LIMD1: variants seen among roughly 807,000 people sequenced by gnomAD.
LIMD1 encodes the protein LIM domain-containing protein 1.
In LIMD1, 23 loss-of-function variants were observed where a neutral mutation model predicts 58.4. The ratio of observed to expected loss-of-function variants is 0.39; its 90% CI spans 0.28 to 0.56. LIMD1 has a LOEUF of 0.56. Ranked by LOEUF, LIMD1 falls within the 20% of genes least tolerant of loss-of-function variation. The pLI, the probability that LIMD1 is intolerant of heterozygous loss-of-function variation, is 0.57. For missense variants in LIMD1, 838 were observed against 855.5 expected, an observed-to-expected ratio of 0.98 and a Z score of 0.25; for synonymous variants, 334 against 345.5, an observed-to-expected ratio of 0.97 and a Z score of 0.37.
intron 1 of LIMD1, among the ~76,000 whole-genome samples, chr3:45,619,690 T>C (rs1701612039): frequency 6.6e-6 from 1 of 151,962 alleles, no homozygotes; most frequent in South Asian, 2.1e-4. Flanking sequence ...TCCCAACTAC[T>C]CGGGAGACTG....
At chr3:45,669,200 G>A (rs546039816) in intron 4 of LIMD1, among the ~76,000 whole-genome samples, 35 of 152,226 alleles carry the variant, frequency 2.3e-4, no homozygotes, top group African/African-American at 8.4e-4. Flanking sequence ...GTCTTCAGTG[G>A]GGACAATTTT....
chr3:45,672,702 C>G lies in LIMD1; in HGVS notation c.1654C>G (p.Leu552Val). The change falls in exon 5 of 8, where the codon CTG becomes GTG. Residue 552 changes from leucine to valine, a missense_variant. Leu to Val is a conservative substitution (Grantham distance 32, BLOSUM62 1). This residue lies in a region of LIMD1 where 174 missense variants were observed against 197.4 expected (regional missense o/e 0.88). Transcript: ENST00000273317. ...HLIMDMILQA[L>V]GKSYHPGCFR... ...GTCTCTGCTCCAGATCCTGCAAGCC[C>G]TGGGGAAGTCCTACCACCCCGGCTG... 1 of 1,613,914 alleles carries G rather than the reference C, an allele frequency of 6.2e-7. No individual in the cohort carries two copies. The highest frequency in any genetic ancestry group is 8.5e-7 in the Non-Finnish European group (1 of 1,179,942).
At chr3:45,645,926 T>A (rs1269932975) in intron 2 of LIMD1, among the ~76,000 whole-genome samples, 2 of 151,638 alleles carry the variant, frequency 1.3e-5, no homozygotes, top group African/African-American at 4.9e-5. Context: ...TGTAAGCCAG[T>A]GTAATACAAG....
chr3:45,601,078 A>T (rs1701407324), intron 1 of LIMD1, among the ~76,000 whole-genome samples: 1 of 152,130 alleles, frequency 6.6e-6, no homozygotes, highest in African/African-American at 2.4e-5. Flanking sequence ...CAAAAACAAA[A>T]ACAAAAAACC....
intron 1 of LIMD1, among the ~76,000 whole-genome samples, chr3:45,622,779 C>T (rs1025968769): frequency 4.6e-5 from 7 of 151,942 alleles, no homozygotes; most frequent in Admixed American, 3.9e-4. Context: ...AGCAATTCTC[C>T]TGCCTCAGCC....
Position 45,684,677 on chromosome 3 carries a change from A to G in LIMD1, c.*7618A>G, listed in dbSNP as rs1021369395. 2 of 152,244 alleles carry G rather than the reference A, an allele frequency of 1.3e-5. No homozygotes were observed. The highest frequency in any genetic ancestry group is 2.4e-5 in the African/African-American group (1 of 41,444). The allele number at this position is 152,244 out of a possible 1,614,324, so 9.4% of individuals were successfully genotyped here. ...AGGGATTGGTTTGACCAGGTGTGCC[A>G]TTTACATAGCCCTCGAAGAAACTGG... On this transcript the variant is annotated 3_prime_UTR_variant, in exon 8 of 8. Coordinates refer to ENST00000273317, the MANE Select transcript of LIMD1 (RefSeq NM_014240.3).
At chr3:45,627,101 C>T (rs963234481) in intron 1 of LIMD1, among the ~76,000 whole-genome samples, 1 of 152,276 alleles carries the variant, frequency 6.6e-6, no homozygotes, top group Admixed American at 6.5e-5. Context: ...TCTGGGGCCA[C>T]TCCATGCCCA....
At chr3:45,644,340 TC>T (rs533582569) in intron 2 of LIMD1, among the ~76,000 whole-genome samples, 10 of 152,220 alleles carry the variant, frequency 6.6e-5, no homozygotes, top group Non-Finnish European at 1.3e-4. Flanking sequence ...GTAAATGACC[TC>T]GTCAACCCAG....
chr3:45,612,754 A>C (rs1701537628), intron 1 of LIMD1: 1 of 152,252 alleles, frequency 6.6e-6, no homozygotes, highest in African/African-American at 2.4e-5. Flanking sequence ...AAGATGTAAT[A>C]TAAATGGATT....
chr3:45,673,042 A>G (rs533733674), intron 5 of LIMD1, among the ~76,000 whole-genome samples: 2 of 151,966 alleles, frequency 1.3e-5, no homozygotes, highest in African/African-American at 4.8e-5. Context: ...GAAAAAAAAA[A>G]AACAACAGAG....
intron 1 of LIMD1, among the ~76,000 whole-genome samples, chr3:45,624,881 C>CA (rs1701655382): frequency 7.2e-6 from 1 of 138,442 alleles, no homozygotes. Context: ...TGCTATCTTC[C>CA]TTTTTTTTTT....
chr3:45,595,524 C>CCCA lies in LIMD1; in HGVS notation c.650_652dup (p.Pro217dup), dbSNP rs1559511099. ...GGTGGCCTAGCTCCCCGGGGAGTGA[C>CCCA]CCACCACTGCCCAAACCCTGCGGGG... On this transcript the variant is annotated inframe_insertion, in exon 1 of 8. Coordinates refer to ENST00000273317, the MANE Select transcript of LIMD1 (RefSeq NM_014240.3). 1 of 1,614,008 alleles carries CCCA rather than the reference C, an allele frequency of 6.2e-7. No homozygotes were observed.
At chr3:45,604,456 G>A (rs971826899) in intron 1 of LIMD1, among the ~76,000 whole-genome samples, 14 of 152,186 alleles carry the variant, frequency 9.2e-5, no homozygotes, top group Non-Finnish European at 1.5e-5. Context: ...CAATCAGCAG[G>A]TCAATGATGC....
intron 2 of LIMD1, among the ~76,000 whole-genome samples, chr3:45,661,390 C>A (rs530333041): frequency 1.3e-5 from 2 of 152,214 alleles, no homozygotes; most frequent in African/African-American, 4.8e-5. Flanking sequence ...GTATTTTTCC[C>A]TGTCAATAAA....
At chr3:45,635,247 TTC>T (rs148578146) in intron 1 of LIMD1, among the ~76,000 whole-genome samples, 11 of 149,896 alleles carry the variant, frequency 7.3e-5, no homozygotes, top group Non-Finnish European at 1.0e-4. Flanking sequence ...CAAAAAAAAG[TTC>T]TCTCTCTCTC....
At chr3:45,660,320 A>C (rs6773659) in intron 2 of LIMD1, among the ~76,000 whole-genome samples, 16,509 of 151,378 alleles carry the variant, frequency 0.11, 1,012 homozygotes, top group African/African-American at 0.15. Flanking sequence ...GGGGAGCTCC[A>C]CAAGTAAAGA....
chr3:45,629,927 T>G (rs1701710627), intron 1 of LIMD1, among the ~76,000 whole-genome samples: 1 of 152,198 alleles, frequency 6.6e-6, no homozygotes, highest in African/African-American at 2.4e-5. Flanking sequence ...CAAATTGCAC[T>G]CTTTAAATAG....
chr3:45,619,714 G>A (rs1353845403), intron 1 of LIMD1, among the ~76,000 whole-genome samples: 1 of 151,936 alleles, frequency 6.6e-6, no homozygotes, highest in Non-Finnish European at 1.5e-5. Context: ...CAGGAGAATC[G>A]CTTGAACCTG....
intron 6 of LIMD1, chr3:45,673,833 C>G (rs1047402941): frequency 5.9e-6 from 2 of 338,622 alleles, no homozygotes; most frequent in Non-Finnish European, 1.1e-5. Context: ...GAGGCTGCAG[C>G]GAGCTATGAT....
Sources: gnomAD v4.1 joint callset for allele counts (sites outside exome capture counted in the v4.1 genomes callset) on GRCh38, gnomAD v4.1.1 for gene constraint, gnomAD v4.1.1 regional missense constraint, MANE v1.5 for transcripts, NCBI Gene and HGNC (gene_info 2026-07-23, HGNC 2026-07-21) for gene names.